Variants in LMNTD1 observed in about 807,000 individuals in gnomAD.
LMNTD1 encodes the protein lamin tail domain containing 1.
Under a neutral mutation model 50.9 loss-of-function variants are expected in LMNTD1, and 35 were observed. That is an observed-to-expected ratio of 0.69 (90% CI 0.53 to 0.91). The LOEUF (loss-of-function observed/expected upper bound fraction) is 0.91. Among genes scored for constraint, LMNTD1 ranks in the 40% least tolerant of loss-of-function variants. The probability of loss-of-function intolerance (pLI) is 0.00; values close to 1 mark genes in which losing one functional copy is unlikely to be tolerated. For missense variants in LMNTD1, 470 were observed against 475.5 expected (o/e 0.99, Z 0.11); for synonymous variants, 153 against 161.9 (o/e 0.94, Z 0.42).
chr12:25,518,545 G>GT (rs1230106114), intron 8 of LMNTD1, among the ~76,000 whole-genome samples: 1 of 152,136 alleles, frequency 6.6e-6, no homozygotes, highest in African/African-American at 2.4e-5. Context: ...TGGCCACGCT[G>GT]TTCTTTTAAT....
intron 9 of LMNTD1, among the ~76,000 whole-genome samples, chr12:25,502,457 CG>C (rs1565944257): frequency 1.3e-5 from 2 of 152,166 alleles, no homozygotes; most frequent in Non-Finnish European, 2.9e-5. Context: ...TCAGGATCTC[CG>C]GGAGCAAGGA....
chr12:25,476,886 T>G (rs901438480), intron 9 of LMNTD1, among the ~76,000 whole-genome samples: 1 of 152,184 alleles, frequency 6.6e-6, no homozygotes, highest in African/African-American at 2.4e-5. Flanking sequence ...CAGAAATAAT[T>G]TTTTAAAATC....
At chr12:25,478,134 C>T (rs1440483373) in intron 9 of LMNTD1, among the ~76,000 whole-genome samples, 2 of 152,130 alleles carry the variant, frequency 1.3e-5, no homozygotes, top group African/African-American at 4.8e-5. Flanking sequence ...ATGTTAATCT[C>T]CTTTGGCAAC....
chr12:25,587,886 CA>C (rs367809655), intron 1 of LMNTD1, among the ~76,000 whole-genome samples: 7 of 152,226 alleles, frequency 4.6e-5, no homozygotes, highest in African/African-American at 1.7e-4. Context: ...AATATCAGTA[CA>C]TTTTTTAAAA....
At chr12:25,575,330 T>C (rs906907755) in intron 1 of LMNTD1, among the ~76,000 whole-genome samples, 4 of 152,116 alleles carry the variant, frequency 2.6e-5, no homozygotes, top group South Asian at 2.1e-4. Context: ...ATACACACTA[T>C]TGGTGTGATG....
At chr12:25,509,050 G>C (rs1940045465) in intron 8 of LMNTD1, among the ~76,000 whole-genome samples, 1 of 152,124 alleles carries the variant, frequency 6.6e-6, no homozygotes. Context: ...ATGTATCAAA[G>C]AAGATATTAC....
At chr12:25,542,330 A>G (rs1241365295) in intron 4 of LMNTD1, among the ~76,000 whole-genome samples, 1 of 151,310 alleles carries the variant, frequency 6.6e-6, no homozygotes, top group Non-Finnish European at 1.5e-5. Flanking sequence ...CCAAATGTCC[A>G]ACAATGATAG....
chr12:25,618,458 T>C (rs1946393842), intron 1 of LMNTD1, among the ~76,000 whole-genome samples: 1 of 152,354 alleles, frequency 6.6e-6, no homozygotes, highest in East Asian at 1.9e-4. Context: ...ATACTTGCAA[T>C]ACCATTGCTT....
At chr12:25,648,524 T>G in exon 1 of LMNTD1, 1 of 1,551,748 alleles carries the variant, frequency 6.4e-7, no homozygotes, top group Non-Finnish European at 8.7e-7. Context: ...GAAACACCGA[T>G]GTCTCCTGCT....
intron 6 of LMNTD1, among the ~76,000 whole-genome samples, chr12:25,522,333 G>A (rs1220695180): frequency 6.6e-6 from 1 of 151,896 alleles, no homozygotes; most frequent in African/African-American, 2.4e-5. Flanking sequence ...CCTAGACAAG[G>A]CAATATTTTA....
At chr12:25,577,917 T>C (rs1231248482) in intron 1 of LMNTD1, among the ~76,000 whole-genome samples, 1 of 152,128 alleles carries the variant, frequency 6.6e-6, no homozygotes, top group African/African-American at 2.4e-5. Context: ...TGGGAGCATA[T>C]ATGGGGTTGG....
chr12:25,601,347 T>C (rs1243727886), intron 1 of LMNTD1, among the ~76,000 whole-genome samples: 2 of 151,694 alleles, frequency 1.3e-5, no homozygotes, highest in Non-Finnish European at 3.0e-5. Flanking sequence ...AGATGGTTAA[T>C]GGGTGAACAA....
At chr12:25,597,879 G>T (rs2136498458) in intron 1 of LMNTD1, among the ~76,000 whole-genome samples, 1 of 152,228 alleles carries the variant, frequency 6.6e-6, no homozygotes, top group South Asian at 2.1e-4. Context: ...ATATGGTTTG[G>T]CTGTGTGTCC....
intron 9 of LMNTD1, among the ~76,000 whole-genome samples, chr12:25,492,554 C>G (rs1288449693): frequency 6.6e-6 from 1 of 152,218 alleles, no homozygotes; most frequent in Non-Finnish European, 1.5e-5. Flanking sequence ...CAGACATTTA[C>G]TCTGAAGCCA....
At chr12:25,509,868 C>T (rs1326585180) in intron 8 of LMNTD1, among the ~76,000 whole-genome samples, 2 of 152,176 alleles carry the variant, frequency 1.3e-5, no homozygotes, top group Non-Finnish European at 1.5e-5. Flanking sequence ...TAAGAAGATG[C>T]AAGGAAAGAT....
At chr12:25,581,740 C>T (rs553422157) in intron 1 of LMNTD1, among the ~76,000 whole-genome samples, 3 of 152,114 alleles carry the variant, frequency 2.0e-5, no homozygotes, top group Non-Finnish European at 4.4e-5. Flanking sequence ...TTATGCAAAC[C>T]TAGATGGTAT....
In LMNTD1 at chr12:25,538,219, A is replaced by G. The variant is rs1327772846; in HGVS notation, c.491+8155T>C. Among the ~76,000 whole-genome samples the G allele has an allele frequency of 2.5e-5, 2 of 80,984 alleles. 1 individual carries two copies. The allele number at this position is 80,984 out of a possible 152,430, so 53.1% of individuals were successfully genotyped here. On this transcript the variant is annotated intron_variant, in intron 4 of 9. Transcript: ENST00000458174. ...CAACATTCAGATTCAGGAAATACAG[A>G]GAACGCCACAAAGATACTCCTCGAG...
chr12:25,540,006 T>C (rs1230963481), intron 4 of LMNTD1, among the ~76,000 whole-genome samples: 2 of 143,776 alleles, frequency 1.4e-5, no homozygotes, highest in Admixed American at 6.9e-5. Flanking sequence ...ACACATACAC[T>C]CTCCCAAGAC....
At chr12:25,645,748 C>T (rs575266105) in intron 1 of LMNTD1, among the ~76,000 whole-genome samples, 1 of 152,214 alleles carries the variant, frequency 6.6e-6, no homozygotes, top group Non-Finnish European at 1.5e-5. Context: ...AACCCTTCTG[C>T]ATTTCAGTTT....
Sources: allele counts gnomAD v4.1 joint callset (sites outside exome capture counted in the v4.1 genomes callset), GRCh38; gene constraint gnomAD v4.1.1; transcripts MANE v1.5; gene names NCBI Gene and HGNC (gene_info 2026-07-23, HGNC 2026-07-21).